The following SWT1 variants were observed in gnomAD, a reference collection of about 807,000 sequenced individuals.
SWT1 encodes SWT1 RNA endoribonuclease homolog.
In SWT1, 33 loss-of-function variants were observed where a neutral mutation model predicts 107.3. That is an observed-to-expected ratio of 0.31 (90% CI 0.23 to 0.41). The LOEUF (loss-of-function observed/expected upper bound fraction) is 0.41. SWT1 is among the 10% of genes least tolerant of loss of function. The pLI is 1.00. For synonymous variants in SWT1, 345 were observed against 348.3 expected, an observed-to-expected ratio of 0.99 and a Z score of 0.11; for missense variants, 898 against 1,028.9, an observed-to-expected ratio of 0.87 and a Z score of 1.74.
At chr1:185,230,522 C>T (rs1660434858) in intron 15 of SWT1, among the ~76,000 whole-genome samples, 1 of 152,128 alleles carries the variant, frequency 6.6e-6, no homozygotes, top group African/African-American at 2.4e-5. Flanking sequence ...TTTAACTTAA[C>T]TAATTACATC....
chr1:185,174,283 C>G (rs1350522513), intron 4 of SWT1, 89 bp from the exon 5 acceptor site: 3 of 1,035,610 alleles, frequency 2.9e-6, no homozygotes, highest in Non-Finnish European at 3.9e-6. Context: ...AGCTTAATGT[C>G]AGCCCAATTC....
intron 10 of SWT1, among the ~76,000 whole-genome samples, chr1:185,198,047 T>C (rs1429012539): frequency 6.6e-6 from 1 of 152,228 alleles, no homozygotes; most frequent in Non-Finnish European, 1.5e-5. Flanking sequence ...CAATTTTAGA[T>C]CTTTCCTGCT....
At chr1:185,216,052 G>A (rs1053477279) in intron 14 of SWT1, among the ~76,000 whole-genome samples, 3 of 152,128 alleles carry the variant, frequency 2.0e-5, no homozygotes, top group Admixed American at 1.3e-4. Flanking sequence ...AGTAATCAAA[G>A]GATTAGATGA....
intron 13 of SWT1, among the ~76,000 whole-genome samples, chr1:185,213,538 G>A (rs1394743664): frequency 6.6e-6 from 1 of 152,160 alleles, no homozygotes; most frequent in Non-Finnish European, 1.5e-5. Flanking sequence ...GCAAGTTCTT[G>A]TGTAAGTGAT....
chr1:185,250,955 A>G (rs12127840), intron 16 of SWT1, among the ~76,000 whole-genome samples: 68,625 of 152,000 alleles, frequency 0.45, 17,373 homozygotes, highest in African/African-American at 0.7. Flanking sequence ...GAGCCACTGC[A>G]CCCGGCCTGG....
At chr1:185,238,676 C>CG in intron 16 of SWT1, among the ~76,000 whole-genome samples, 1 of 152,078 alleles carries the variant, frequency 6.6e-6, no homozygotes, top group South Asian at 2.1e-4. Context: ...GTTTGCTTAA[C>CG]TCACCATTCA....
At chr1:185,263,178 T>G (rs183938805) in intron 16 of SWT1, 10 of 152,346 alleles carry the variant, frequency 6.6e-5, no homozygotes, top group Admixed American at 5.9e-4. Flanking sequence ...TTTAAAGCCC[T>G]TATCTCCTAA....
intron 16 of SWT1, among the ~76,000 whole-genome samples, chr1:185,244,899 A>G (rs1161850162): frequency 6.6e-6 from 1 of 152,044 alleles, no homozygotes; most frequent in African/African-American, 2.4e-5. Context: ...TAGGCAACAT[A>G]GTGAGACACC....
chr1:185,199,153 G>T (rs897924582), intron 10 of SWT1, among the ~76,000 whole-genome samples: 1 of 151,978 alleles, frequency 6.6e-6, no homozygotes, highest in Non-Finnish European at 1.5e-5. Context: ...GGTCAGGCTG[G>T]TCTGGAACTC....
At chr1:185,192,278 C>T (rs72724116) in intron 10 of SWT1, among the ~76,000 whole-genome samples, 7,402 of 152,154 alleles carry the variant, frequency 0.049, 270 homozygotes, top group Middle Eastern at 0.082. Context: ...CATCTGAAAC[C>T]TATCATCTCC....
chr1:185,251,729 T>C (rs1287056496), intron 16 of SWT1, among the ~76,000 whole-genome samples: 1 of 151,626 alleles, frequency 6.6e-6, no homozygotes, highest in Admixed American at 6.6e-5. Context: ...TTTCTTTAGC[T>C]AGATTTTATC....
chr1:185,206,681 A>C lies in SWT1; in HGVS notation c.1890A>C (p.Lys630Asn). 1 of 1,609,840 alleles carries C rather than the reference A, an allele frequency of 6.2e-7. No individual in the cohort carries two copies. Among genetic ancestry groups the C allele is most frequent in the Non-Finnish European group, 8.5e-7 (1 of 1,177,424 alleles). ...TLLHLLQCFK[K>N]HWLAVFGLVM... ...TACATTTACTACAGTGCTTTAAAAA[A>C]CATTGGTTGGCTGTATTTGGATTAG... Residue 630 changes from lysine to asparagine, a missense_variant, in exon 13 of 19, where the codon AAA becomes AAC. Lys to Asn is a moderately conservative substitution (Grantham distance 94). Coordinates refer to ENST00000367500, the MANE Select transcript of SWT1 (RefSeq NM_017673.7).
intron 16 of SWT1, 148 bp downstream of exon 16, chr1:185,231,856 C>A: frequency 1.7e-6 from 1 of 587,706 alleles, no homozygotes; most frequent in Non-Finnish European, 3.0e-6. Flanking sequence ...TTTTGTGGCA[C>A]TAAAGGAGGA....
chr1:185,214,214 C>CT (rs1274874419), intron 13 of SWT1, among the ~76,000 whole-genome samples: 4 of 152,068 alleles, frequency 2.6e-5, no homozygotes, highest in South Asian at 2.1e-4. Flanking sequence ...GTGATTTTCT[C>CT]TTTTTTCTGG....
chr1:185,280,591 C>G (rs1007052005), intron 18 of SWT1, among the ~76,000 whole-genome samples: 1 of 152,106 alleles, frequency 6.6e-6, no homozygotes, highest in Non-Finnish European at 1.5e-5. Flanking sequence ...ACCAGAAGGA[C>G]CCAGCCATGA....
intron 14 of SWT1, among the ~76,000 whole-genome samples, chr1:185,218,522 G>A (rs1659396727): frequency 6.6e-6 from 1 of 152,026 alleles, no homozygotes; most frequent in South Asian, 2.1e-4. Context: ...TGTTGCCCAG[G>A]TTGGTCTTGA....
intron 18 of SWT1, among the ~76,000 whole-genome samples, chr1:185,277,987 ATCT>A (rs1241154877): frequency 2.6e-5 from 4 of 151,874 alleles, no homozygotes; most frequent in African/African-American, 4.8e-5. Flanking sequence ...TTTTTTTTTA[ATCT>A]TCTTTTTGTC....
At chr1:185,246,219 AG>A (rs1361771740) in intron 16 of SWT1, among the ~76,000 whole-genome samples, 1 of 152,174 alleles carries the variant, frequency 6.6e-6, no homozygotes, top group Non-Finnish European at 1.5e-5. Context: ...CTAAAATGCC[AG>A]TATAGTTGGA....
At chr1:185,202,384 C>T (rs1369059899) in intron 10 of SWT1, among the ~76,000 whole-genome samples, 1 of 152,056 alleles carries the variant, frequency 6.6e-6, no homozygotes, top group African/African-American at 2.4e-5. Flanking sequence ...ACCTCAATTC[C>T]CCATCTGTGA....
Sources: gnomAD v4.1 joint callset for allele counts (sites outside exome capture counted in the v4.1 genomes callset) on GRCh38, gnomAD v4.1.1 for gene constraint, MANE v1.5 for transcripts, NCBI Gene and HGNC (gene_info 2026-07-23, HGNC 2026-07-21) for gene names.